SIAH1: variants seen among roughly 807,000 people sequenced by gnomAD.
The protein encoded by SIAH1 is siah E3 ubiquitin protein ligase 1.
In SIAH1, 2 loss-of-function variants were observed where a neutral mutation model predicts 20.0. The ratio of observed to expected loss-of-function variants is 0.10; its 90% confidence interval spans 0.04 to 0.31. SIAH1 has a LOEUF of 0.31. Ranked by LOEUF, SIAH1 falls within the 10% of genes least tolerant of loss-of-function variation. The pLI is 1.00. For missense variants in SIAH1, 119 were observed against 355.3 expected, an observed-to-expected ratio of 0.33 and a Z score of 5.35; for synonymous variants, 118 against 125.3, an observed-to-expected ratio of 0.94 and a Z score of 0.39.
chr16:48,372,617 A>G (rs1273587877), intron 1 of SIAH1, among the ~76,000 whole-genome samples: 1 of 152,230 alleles, frequency 6.6e-6, no homozygotes, highest in Non-Finnish European at 1.5e-5. Context: ...GGTCGATCTA[A>G]TAACATAAAT....
chr16:48,373,816 G>A (rs74017943), intron 1 of SIAH1, among the ~76,000 whole-genome samples: 1,868 of 152,336 alleles, frequency 0.012, 40 homozygotes, highest in African/African-American at 0.042. Context: ...TAAGGATACA[G>A]TATGGTGCTG....
At chr16:48,385,001 A>T (rs960197660) in intron 1 of SIAH1, among the ~76,000 whole-genome samples, 5 of 146,624 alleles carry the variant, frequency 3.4e-5, no homozygotes, top group Non-Finnish European at 7.6e-5. Flanking sequence ...CCGGCTTGCG[A>T]AGGCTGAAGG....
rs1355683393 is a variant in SIAH1, at chr16:48,361,040, G to T, written c.*540C>A. 6.6e-6 allele frequency: 1 copy of T among 152,264 alleles called. No homozygotes were observed. Among genetic ancestry groups the T allele is most frequent in the African/African-American group, 2.4e-5 (1 of 41,360 alleles). The allele number at this position is 152,264 out of a possible 1,614,324, so 9.4% of individuals were successfully genotyped here. The stretch of plus-strand genomic sequence containing the variant: ...TAACTTTAAAATGGTACAAAAAAAG[G>T]AAAAACCTGAATTACAGAAAAGTCA... On this transcript the variant is annotated 3_prime_UTR_variant, in exon 2 of 2. Transcript: ENST00000394725.
intron 1 of SIAH1, among the ~76,000 whole-genome samples, chr16:48,369,481 G>A (rs1267324699): frequency 6.6e-6 from 1 of 152,194 alleles, no homozygotes; most frequent in Non-Finnish European, 1.5e-5. Context: ...GCTCATACCT[G>A]TAATCCCAGC....
At chr16:48,385,168 G>A (rs1961419380) in intron 1 of SIAH1, 36 bp downstream of exon 1, 4 of 242,394 alleles carry the variant, frequency 1.7e-5, no homozygotes, top group South Asian at 1.3e-4. Context: ...AGAGCCCCTC[G>A]CCGCCGGCTC....
At chr16:48,380,436 G>GT (rs1341916391) in intron 1 of SIAH1, among the ~76,000 whole-genome samples, 6 of 151,224 alleles carry the variant, frequency 4.0e-5, no homozygotes, top group Admixed American at 3.9e-4. Context: ...CTGGACAAGA[G>GT]TAAGACTCTG....
At chr16:48,371,597 A>G (rs976114947) in intron 1 of SIAH1, among the ~76,000 whole-genome samples, 1 of 152,242 alleles carries the variant, frequency 6.6e-6, no homozygotes, top group Non-Finnish European at 1.5e-5. Flanking sequence ...AACCAGGCAG[A>G]GGGCCAAACA....
intron 1 of SIAH1, among the ~76,000 whole-genome samples, chr16:48,383,135 T>C (rs1280144224): frequency 1.3e-5 from 2 of 152,210 alleles, no homozygotes; most frequent in African/African-American, 4.8e-5. Context: ...GGAATACTTA[T>C]CCTGAAAAGT....
chr16:48,370,366 CAG>C (rs1960952054), intron 1 of SIAH1, among the ~76,000 whole-genome samples: 1 of 151,944 alleles, frequency 6.6e-6, no homozygotes, highest in Admixed American at 6.5e-5. Flanking sequence ...CAACGGGTTC[CAG>C]AGTCAGCAAG....
At chr16:48,374,746 A>G (rs1225734052) in intron 1 of SIAH1, among the ~76,000 whole-genome samples, 2 of 152,236 alleles carry the variant, frequency 1.3e-5, no homozygotes, top group African/African-American at 4.8e-5. Flanking sequence ...AAGAAAAAAG[A>G]TATTACCTAC....
intron 1 of SIAH1, among the ~76,000 whole-genome samples, chr16:48,368,177 C>A (rs899800149): frequency 6.6e-6 from 1 of 152,066 alleles, no homozygotes; most frequent in Non-Finnish European, 1.5e-5. Flanking sequence ...AATGAAGTTA[C>A]AAATAGAACA....
chr16:48,379,353 T>C (rs74017947), intron 1 of SIAH1, among the ~76,000 whole-genome samples: 1,870 of 152,212 alleles, frequency 0.012, 40 homozygotes, highest in African/African-American at 0.043. Flanking sequence ...CAAATAGACA[T>C]TTCAGAGGCT....
At chr16:48,385,066 A>G (rs1402412949) in intron 1 of SIAH1, 138 bp downstream of exon 1, 8 of 151,774 alleles carry the variant, frequency 5.3e-5, no homozygotes, top group African/African-American at 1.9e-4. Context: ...CGGCCGAGAC[A>G]AAGGCGCCGC....
At chr16:48,370,069 G>A (rs1373798620) in intron 1 of SIAH1, among the ~76,000 whole-genome samples, 1 of 152,182 alleles carries the variant, frequency 6.6e-6, no homozygotes, top group Non-Finnish European at 1.5e-5. Context: ...AATGATGTAA[G>A]TGAAAGAAAA....
At chr16:48,376,653 G>T (rs1463189176) in intron 1 of SIAH1, among the ~76,000 whole-genome samples, 2 of 151,910 alleles carry the variant, frequency 1.3e-5, no homozygotes, top group Non-Finnish European at 2.9e-5. Context: ...CACTACACCC[G>T]GCTGAAAATA....
At chr16:48,380,416 G>A (rs1449849338) in intron 1 of SIAH1, among the ~76,000 whole-genome samples, 2 of 151,446 alleles carry the variant, frequency 1.3e-5, no homozygotes, top group Non-Finnish European at 2.9e-5. Context: ...TGGCGCCACC[G>A]CACTCCAGTC....
intron 1 of SIAH1, among the ~76,000 whole-genome samples, chr16:48,384,638 C>T (rs1019704517): frequency 1.3e-5 from 2 of 151,094 alleles, no homozygotes; most frequent in Non-Finnish European, 3.0e-5. Context: ...CCGTCCCGGA[C>T]GGCTCCAGCC....
chr16:48,371,023 A>C (rs139557786), intron 1 of SIAH1, among the ~76,000 whole-genome samples: 1 of 152,128 alleles, frequency 6.6e-6, no homozygotes, highest in Non-Finnish European at 1.5e-5. Flanking sequence ...CTGAGGCATA[A>C]GAATCGCTTG....
intron 1 of SIAH1, among the ~76,000 whole-genome samples, chr16:48,373,669 G>A (rs1202887621): frequency 6.6e-6 from 1 of 152,088 alleles, no homozygotes; most frequent in Non-Finnish European, 1.5e-5. Context: ...TATGTTCTGA[G>A]CACAGCAATT....
Sources: gnomAD v4.1 joint callset for allele counts (sites outside exome capture counted in the v4.1 genomes callset) on GRCh38, gnomAD v4.1.1 for gene constraint, MANE v1.5 for transcripts, NCBI Gene and HGNC (gene_info 2026-07-23, HGNC 2026-07-21) for gene names.